The following LOC128125817 variants were observed in gnomAD, a reference collection of about 807,000 sequenced individuals.
At chr1:41,605,361 ACACACG>A in the LOC128125817 span, among the ~76,000 whole-genome samples, 8 of 126,900 alleles carry the variant, frequency 6.3e-5, no homozygotes, top group African/African-American at 2.6e-4. Flanking sequence ...TATTACATAC[ACACACG>A]CACACGCGCA....
the LOC128125817 span, among the ~76,000 whole-genome samples, chr1:41,609,627 C>CA: frequency 6.6e-6 from 1 of 152,380 alleles, no homozygotes; most frequent in Non-Finnish European, 1.5e-5. Context: ...TAAGACCCTT[C>CA]AGCCTCCCCA....
the LOC128125817 span, among the ~76,000 whole-genome samples, chr1:41,593,692 A>G: frequency 6.6e-6 from 1 of 152,254 alleles, no homozygotes; most frequent in Non-Finnish European, 1.5e-5. Context: ...CTTTAACATT[A>G]GCTAATAAGA....
At chr1:41,616,389 C>T in the LOC128125817 span, among the ~76,000 whole-genome samples, 30 of 152,218 alleles carry the variant, frequency 2.0e-4, no homozygotes, top group South Asian at 5.8e-3. Flanking sequence ...CAGACTATCC[C>T]GTTCAGTTAA....
chr1:41,625,527 G>T, the LOC128125817 span, among the ~76,000 whole-genome samples: 1 of 152,220 alleles, frequency 6.6e-6, no homozygotes, highest in Non-Finnish European at 1.5e-5. Flanking sequence ...CAGAGGTGTC[G>T]CTAATAACAT....
At chr1:41,615,297 C>T in the LOC128125817 span, among the ~76,000 whole-genome samples, 1 of 152,214 alleles carries the variant, frequency 6.6e-6, no homozygotes, top group African/African-American at 2.4e-5. Flanking sequence ...AGCTCATCTT[C>T]TACTCATGGT....
the LOC128125817 span, among the ~76,000 whole-genome samples, chr1:41,616,942 T>G: frequency 1.3e-5 from 2 of 152,164 alleles, no homozygotes; most frequent in Non-Finnish European, 2.9e-5. Context: ...CAGGCACTAT[T>G]GCAATCCCTA....
chr1:41,597,525 C>A, the LOC128125817 span, among the ~76,000 whole-genome samples: 1 of 152,158 alleles, frequency 6.6e-6, no homozygotes. Flanking sequence ...ACCCTTCAGG[C>A]GGGTACTATT....
At chr1:41,621,680 AT>A in the LOC128125817 span, among the ~76,000 whole-genome samples, 92 of 152,158 alleles carry the variant, frequency 6.0e-4, no homozygotes, top group African/African-American at 2.1e-3. Context: ...ATCTGGCTAA[AT>A]TTTTTATTTT....
the LOC128125817 span, among the ~76,000 whole-genome samples, chr1:41,617,638 G>T: frequency 6.6e-6 from 1 of 152,368 alleles, no homozygotes; most frequent in Non-Finnish European, 1.5e-5. Flanking sequence ...CATTGACAGT[G>T]CACAGGAGAT....
the LOC128125817 span, among the ~76,000 whole-genome samples, chr1:41,597,970 A>T: frequency 2.6e-5 from 4 of 152,116 alleles, no homozygotes; most frequent in African/African-American, 7.2e-5. Context: ...CCACCTACCT[A>T]TCTCATTGTT....
At chr1:41,612,335 C>T in the LOC128125817 span, among the ~76,000 whole-genome samples, 4 of 152,304 alleles carry the variant, frequency 2.6e-5, no homozygotes, top group East Asian at 3.9e-4. Context: ...TGCCGCCTTA[C>T]GTTAGTGCAG....
the LOC128125817 span, among the ~76,000 whole-genome samples, chr1:41,604,261 A>G: frequency 6.6e-6 from 1 of 152,264 alleles, no homozygotes; most frequent in African/African-American, 2.4e-5. Flanking sequence ...AGCCAAAAAA[A>G]CTGGAAACAG....
At chr1:41,598,414 C>T in the LOC128125817 span, among the ~76,000 whole-genome samples, 1 of 152,100 alleles carries the variant, frequency 6.6e-6, no homozygotes, top group African/African-American at 2.4e-5. Context: ...ATAATATATA[C>T]ACACACACAC....
the LOC128125817 span, among the ~76,000 whole-genome samples, chr1:41,618,040 C>A: frequency 6.6e-6 from 1 of 152,194 alleles, no homozygotes; most frequent in Non-Finnish European, 1.5e-5. Flanking sequence ...TCCTAGGAAC[C>A]ATCTTACTAG....
the LOC128125817 span, among the ~76,000 whole-genome samples, chr1:41,623,620 T>G: frequency 1.3e-5 from 2 of 152,160 alleles, no homozygotes; most frequent in African/African-American, 4.8e-5. Flanking sequence ...GAAGGGCAGG[T>G]GGCCTGGGAG....
At chr1:41,600,213 T>A in the LOC128125817 span, among the ~76,000 whole-genome samples, 2 of 152,204 alleles carry the variant, frequency 1.3e-5, no homozygotes, top group African/African-American at 4.8e-5. Context: ...ATTCCCCTTC[T>A]GGGTATATAC....
the LOC128125817 span, among the ~76,000 whole-genome samples, chr1:41,612,777 C>A: frequency 6.6e-6 from 1 of 152,220 alleles, no homozygotes; most frequent in South Asian, 2.1e-4. Flanking sequence ...AGAATCATCA[C>A]CGTCCTAAGT....
At chr1:41,588,336 C>T in the LOC128125817 span, among the ~76,000 whole-genome samples, 5 of 152,128 alleles carry the variant, frequency 3.3e-5, no homozygotes, top group East Asian at 1.9e-4. Context: ...TTGCTTCTTC[C>T]GATGGATGGA....
At chr1:41,614,150 G>T in the LOC128125817 span, among the ~76,000 whole-genome samples, 66,027 of 152,044 alleles carry the variant, frequency 0.43, 14,939 homozygotes, top group Non-Finnish European at 0.51. Context: ...GCCACAACAT[G>T]GGCAGTCTGA....
Sources: allele counts gnomAD v4.1 joint callset (sites outside exome capture counted in the v4.1 genomes callset), GRCh38; gene constraint gnomAD v4.1.1; transcripts MANE v1.5.